EPHA1: variants seen among roughly 807,000 people sequenced by gnomAD.
EPHA1 encodes the protein EPH receptor A1.
EPHA1 carries 92 observed loss-of-function variants against 110.1 expected under a neutral mutation model. The ratio of observed to expected loss-of-function variants is 0.84; its 90% CI spans 0.71 to 0.99. The LOEUF (loss-of-function observed/expected upper bound fraction) is 0.99, where lower values mean the gene tolerates loss of function less well. Among genes scored for constraint, EPHA1 ranks in the 50% least tolerant of loss-of-function variants. EPHA1 has a pLI of 0.00. For missense variants in EPHA1, 1,204 were observed against 1,285.4 expected, an observed-to-expected ratio of 0.94 and a Z score of 0.97; for synonymous variants, 500 against 516.1, an observed-to-expected ratio of 0.97 and a Z score of 0.42.
chr7:143,397,454 G>C (rs1268878608), intron 9 of EPHA1, 92 bp from the exon 10 acceptor site: 1 of 1,588,026 alleles, frequency 6.3e-7, no homozygotes, highest in Non-Finnish European at 8.6e-7. Context: ...AAACGGGCTG[G>C]GAGTGCAGGA....
In EPHA1 at chr7:143,391,319, TCTC is replaced by T. The variant is rs1805070498; in HGVS notation, c.*135_*137del. The T allele has an allele frequency of 9.9e-7, 1 of 1,007,476 alleles. No individual in the cohort carries two copies. Among genetic ancestry groups the T allele is most frequent in the Non-Finnish European group, 1.5e-6 (1 of 678,882 alleles). The allele number at this position is 1,007,476 out of a possible 1,614,324, so 62.4% of individuals were successfully genotyped here. The stretch of plus-strand genomic sequence containing the variant: ...GGTTTTCTGGGGTGCAGAGCAGGGT[TCTC>T]CTGAAAGTGGGCAGAAGCAGCACCG... On this transcript the variant is annotated 3_prime_UTR_variant, in exon 18 of 18. Coordinates refer to ENST00000275815, the MANE Select transcript of EPHA1 (RefSeq NM_005232.5).
At chr7:143,394,403 T>C (rs755127301) in intron 14 of EPHA1, 60 bp from the exon 15 acceptor site, 12 of 1,525,702 alleles carry the variant, frequency 7.9e-6, no homozygotes, top group Non-Finnish European at 9.7e-6. Flanking sequence ...CACGAGTCTT[T>C]CTGCTTCTTT....
intron 3 of EPHA1, among the ~76,000 whole-genome samples, chr7:143,400,639 T>C (rs1488608673): frequency 6.6e-6 from 1 of 151,856 alleles, no homozygotes; most frequent in Non-Finnish European, 1.5e-5. Flanking sequence ...ACTATGGGAG[T>C]GGGTTGCTTA....
chr7:143,396,346 C>T, intron 11 of EPHA1, 39 bp downstream of exon 11: 2 of 1,601,702 alleles, frequency 1.2e-6, no homozygotes, highest in South Asian at 1.1e-5. Flanking sequence ...TGCTGCCCCA[C>T]ATGGCGGGGG....
In EPHA1 at chr7:143,391,667, G is replaced by C. The variant is rs752900413; in HGVS notation, c.2805C>G (p.His935Gln). Residue 935 changes from histidine (H) to glutamine (Q), a missense_variant, in exon 17 of 18, where the codon CAC becomes CAG. By Grantham distance (24) the His-to-Gln change is conservative. Coordinates refer to ENST00000275815, the MANE Select transcript of EPHA1 (RefSeq NM_005232.5). ...ACTCCATGGTGTCCAGCCCAGCCGA[G>C]TGGAAGTGCAGGATGTAGCGTTTCA... is the stretch of plus-strand genomic sequence containing the variant. Reference protein sequence around the residue: ...IRMKRYILHFHSAGLDTMECV... With the variant: ...IRMKRYILHFQSAGLDTMECV... The C allele has an allele frequency of 1.4e-5, 22 of 1,614,038 alleles. No individual in the cohort carries two copies. Among genetic ancestry groups the C allele is most frequent in the Non-Finnish European group, 1.8e-5 (21 of 1,180,048 alleles).
chr7:143,391,815 G>A (rs762231359), intron 16 of EPHA1, 40 bp from the exon 17 acceptor site: 27 of 1,605,844 alleles, frequency 1.7e-5, no homozygotes, highest in Middle Eastern at 1.6e-4. Context: ...GGGTACATGG[G>A]CTGATCTGGT....
rs1586579303 is a variant in EPHA1 at position 143,395,204 on chromosome 7, C to G, written c.2084-22G>C. ...TTTCCTGAGACACAGACACACATAT[C>G]ACACTCAGAACCGGGCTTCCTGCCC... On this transcript the variant is annotated intron_variant, in intron 12 of 17. Transcript: ENST00000275815. This position sits in a 1 kb window ranked among gnomAD's most constrained non-coding sequence, Gnocchi z 4.7. 2 of 1,613,154 alleles carry G rather than the reference C, an allele frequency of 1.2e-6. No homozygotes were observed. The highest frequency in any genetic ancestry group is 1.1e-5 in the South Asian group (1 of 91,074).
chr7:143,393,974 G>A lies in EPHA1; in HGVS notation c.2503-110C>T, dbSNP rs898625860. 3.8e-5 allele frequency: 51 copies of A among 1,354,528 alleles called. No homozygotes were observed. The African/African-American group carries it at 6.6e-4, about 17-fold the overall frequency. The allele number at this position is 1,354,528 out of a possible 1,614,324, so 83.9% of individuals were successfully genotyped here. A position where few individuals can be genotyped will look rare whatever the true frequency, so the allele number is the denominator to read the frequency against. On this transcript the variant is annotated intron_variant, in intron 15 of 17. Transcript: ENST00000275815. The surrounding 1 kb of genome is among the most constrained non-coding windows in gnomAD (Gnocchi z 5.6). ...CAGTGGAGATCCTAGGATGGGAGGA[G>A]GTGGGAGGACCAGGGTGGGACGATC...
At position 143,395,622 on chromosome 7, in the gene EPHA1, T is replaced by C; in HGVS notation, c.1898-118A>G. The C allele has an allele frequency of 1.8e-6, 2 of 1,114,878 alleles. No homozygotes were observed. The highest frequency in any genetic ancestry group is 1.6e-5 in the African/African-American group (1 of 63,824). The allele number at this position is 1,114,878 out of a possible 1,614,324, so 69.1% of individuals were successfully genotyped here. A position where few individuals can be genotyped will look rare whatever the true frequency, so the allele number is the denominator to read the frequency against. Reference sequence around the variant, plus strand: ...TTTCTGGAGAATCAGAAGCGTGGAGTGCCCTTCCTGGGACAGGGCGTGGGC... The same window carrying C: ...TTTCTGGAGAATCAGAAGCGTGGAGCGCCCTTCCTGGGACAGGGCGTGGGC... On this transcript the variant is annotated intron_variant, in intron 11 of 17. Transcript: ENST00000275815. The surrounding 1 kb of genome is among the most constrained non-coding windows in gnomAD (Gnocchi z 4.7).
intron 10 of EPHA1, 66 bp downstream of exon 10, chr7:143,397,234 AACAC>A (rs146724598): frequency 4.1e-5 from 59 of 1,456,726 alleles, no homozygotes; most frequent in South Asian, 1.1e-4. Context: ...GGCATCTCCC[AACAC>A]ACACACACAC....
At chr7:143,404,567 C>T (rs922109931) in intron 2 of EPHA1, among the ~76,000 whole-genome samples, 3 of 152,100 alleles carry the variant, frequency 2.0e-5, no homozygotes, top group East Asian at 1.9e-4. Context: ...AATATCTAAC[C>T]GTCAGTTTAT....
chr7:143,395,638 G>C lies in EPHA1; in HGVS notation c.1898-134C>G. 2.1e-6 allele frequency: 2 copies of C among 937,066 alleles called. No homozygotes were observed. The highest frequency in any genetic ancestry group is 3.4e-5 in the South Asian group (2 of 58,332). The allele number at this position is 937,066 out of a possible 1,614,324, so 58.0% of individuals were successfully genotyped here. A position where few individuals can be genotyped will look rare whatever the true frequency, so the allele number is the denominator to read the frequency against. Reference sequence around the variant, plus strand: ...AGCGTGGAGTGCCCTTCCTGGGACAGGGCGTGGGCTGTCCTTCCTGGGGAA... The same window carrying C: ...AGCGTGGAGTGCCCTTCCTGGGACACGGCGTGGGCTGTCCTTCCTGGGGAA... On this transcript the variant is annotated intron_variant, in intron 11 of 17. Coordinates refer to ENST00000275815, the MANE Select transcript of EPHA1 (RefSeq NM_005232.5). This position sits in a 1 kb window ranked among gnomAD's most constrained non-coding sequence, Gnocchi z 4.7.
intron 1 of EPHA1, 66 bp downstream of exon 1, chr7:143,408,658 G>A: frequency 2.5e-6 from 1 of 392,862 alleles, no homozygotes; most frequent in Non-Finnish European, 4.4e-6. Flanking sequence ...CTGCAGGGGG[G>A]TGCTGGCCGG....
In EPHA1 at chr7:143,398,808, C is replaced by T; in HGVS notation, c.1129G>A (p.Ala377Thr). Reference sequence around the variant, plus strand: ...GGCTGGCAGGGCCCCCCGTCCTGTGCTGTGCCCTGACACTGGGAACACCTC... The same window carrying T: ...GGCTGGCAGGGCCCCCCGTCCTGTGTTGTGCCCTGACACTGGGAACACCTC... ...SVRCSQCQGT[A>T]QDGGPCQPCG... Residue 377 changes from alanine (A) to threonine (T), a missense_variant, in exon 6 of 18, where the codon GCA becomes ACA. Ala to Thr is a moderately conservative substitution (Grantham distance 58). Coordinates refer to ENST00000275815, the MANE Select transcript of EPHA1 (RefSeq NM_005232.5). 2 of 1,613,506 alleles carry T rather than the reference C, an allele frequency of 1.2e-6. No homozygotes were observed. The highest frequency in any genetic ancestry group is 8.5e-7 in the Non-Finnish European group (1 of 1,179,980).
At chr7:143,394,776 G>C in intron 14 of EPHA1, 32 bp downstream of exon 14, 1 of 1,611,586 alleles carries the variant, frequency 6.2e-7, no homozygotes, top group Non-Finnish European at 8.5e-7. Flanking sequence ...GGGGCAATGT[G>C]AATGTGCACT....
Position 143,393,934 on chromosome 7 carries a change from C to T in EPHA1, c.2503-70G>A, listed in dbSNP as rs945677681. The stretch of plus-strand genomic sequence containing the variant: ...TGGAGGCCCATGAGAAACCGACGGT[C>T]ACACAAGATAATTGCAGTGGAGATC... On this transcript the variant is annotated intron_variant, in intron 15 of 17. Coordinates refer to ENST00000275815, the MANE Select transcript of EPHA1 (RefSeq NM_005232.5). The surrounding 1 kb of genome is among the most constrained non-coding windows in gnomAD (Gnocchi z 5.6). 19 of 1,479,688 alleles carry T rather than the reference C, an allele frequency of 1.3e-5. No homozygotes were observed. In the East Asian group the frequency reaches 4.1e-4, roughly 32 times the overall value. 91.7% of individuals were successfully genotyped at this position (1,479,688 alleles called of 1,614,324 possible).
intron 3 of EPHA1, among the ~76,000 whole-genome samples, chr7:143,400,353 C>T (rs901456614): frequency 6.6e-5 from 10 of 152,204 alleles, no homozygotes; most frequent in Admixed American, 5.2e-4. Flanking sequence ...GGAATCCAGG[C>T]ATTGGGACTC....
At chr7:143,398,527 C>A in intron 6 of EPHA1, 74 bp downstream of exon 6, 1 of 1,608,042 alleles carries the variant, frequency 6.2e-7, no homozygotes, top group South Asian at 1.1e-5. Context: ...GCTTCCTGCC[C>A]ATCAGTTTGT....
Position 143,393,655 on chromosome 7 carries a change from T to TGGGGA in EPHA1, c.2696+15_2696+16insTCCCC. On this transcript the variant is annotated intron_variant, in intron 16 of 17. Transcript: ENST00000275815. The surrounding 1 kb of genome is among the most constrained non-coding windows in gnomAD (Gnocchi z 5.6). ...CGCTGCCTCTGGGTTCCCTAGTCCT[T>TGGGGA]CCCCTGCATGGTTACCTGGGGTCAA... 2 of 1,611,446 alleles carry TGGGGA rather than the reference T, an allele frequency of 1.2e-6. No individual in the cohort carries two copies. Among genetic ancestry groups the TGGGGA allele is most frequent in the African/African-American group, 2.7e-5 (2 of 74,794 alleles).
Sources: allele counts gnomAD v4.1 joint callset (sites outside exome capture counted in the v4.1 genomes callset), GRCh38; gene constraint gnomAD v4.1.1; non-coding constraint Gnocchi (gnomAD v3.1); transcripts MANE v1.5; gene names NCBI Gene and HGNC (gene_info 2026-07-23, HGNC 2026-07-21).